Variants in DOK6 observed in about 807,000 individuals in gnomAD.
DOK6 encodes docking protein 6.
A neutral mutation model predicts 44.0 loss-of-function variants in DOK6; 22 were observed. That is an observed-to-expected ratio of 0.50 (90% confidence interval 0.36 to 0.71). The LOEUF is 0.71. Ranked by LOEUF, DOK6 falls within the 30% of genes least tolerant of loss-of-function variation. The pLI, the probability that DOK6 is intolerant of heterozygous loss-of-function variation, is 0.00. For missense variants in DOK6, 340 were observed against 416.4 expected (o/e 0.82, Z 1.60); for synonymous variants, 166 against 145.5 (o/e 1.14, Z -1.01).
At chr18:69,818,898 C>G (rs1981482566) in intron 7 of DOK6, among the ~76,000 whole-genome samples, 1 of 152,216 alleles carries the variant, frequency 6.6e-6, no homozygotes, top group Non-Finnish European at 1.5e-5. Context: ...CTCCCACCAT[C>G]ACCAGCAAAA....
intron 6 of DOK6, among the ~76,000 whole-genome samples, chr18:69,742,557 A>G (rs1264065209): frequency 1.3e-5 from 2 of 152,230 alleles, no homozygotes; most frequent in Non-Finnish European, 2.9e-5. Context: ...TCCTTCACTG[A>G]GAAGAATAAA....
intron 1 of DOK6, among the ~76,000 whole-genome samples, chr18:69,534,130 A>G (rs944094881): frequency 1.3e-5 from 2 of 152,128 alleles, no homozygotes; most frequent in South Asian, 2.1e-4. Context: ...CAATCTGCCA[A>G]ATGGAAGGCT....
In DOK6 at chr18:69,437,944, A is replaced by C. The variant is rs558227046; in HGVS notation, c.66+36634A>C. On this transcript the variant is annotated intron_variant, in intron 1 of 7. Coordinates refer to ENST00000382713, the MANE Select transcript of DOK6 (RefSeq NM_152721.6). ...GTGTCAATATCATTGTGTCTGAAAA[A>C]CAATGTAATTCCTTCATTAAAAAGT... 2.0e-5 allele frequency among the ~76,000 whole-genome samples: 3 copies of C among 152,306 alleles called. No individual in the cohort carries two copies. The East Asian group carries it at 5.8e-4, about 29-fold the overall frequency.
intron 6 of DOK6, among the ~76,000 whole-genome samples, chr18:69,751,607 A>G (rs559083243): frequency 2.8e-4 from 42 of 152,338 alleles, no homozygotes; most frequent in African/African-American, 9.9e-4. Context: ...TACAAGATGT[A>G]CAGAAATTGG....
intron 7 of DOK6, among the ~76,000 whole-genome samples, chr18:69,836,037 C>G (rs1349599976): frequency 6.6e-6 from 1 of 152,174 alleles, no homozygotes; most frequent in Admixed American, 6.5e-5. Flanking sequence ...GTTGGTCATT[C>G]TGTGTCAGCA....
intron 1 of DOK6, among the ~76,000 whole-genome samples, chr18:69,530,426 A>G (rs1257143752): frequency 6.6e-6 from 1 of 152,192 alleles, no homozygotes; most frequent in Non-Finnish European, 1.5e-5. Context: ...TTGACTTTGA[A>G]CAGGTAAAGT....
chr18:69,756,557 G>A (rs1159666317), intron 6 of DOK6, among the ~76,000 whole-genome samples: 1 of 152,172 alleles, frequency 6.6e-6, no homozygotes, highest in Non-Finnish European at 1.5e-5. Context: ...GTAAGTTCAA[G>A]CTCTATAATT....
intron 7 of DOK6, among the ~76,000 whole-genome samples, chr18:69,828,884 G>GTAGATATATATATATATATATATATATA (rs1981819967): frequency 1.1e-5 from 1 of 90,172 alleles, no homozygotes; most frequent in Non-Finnish European, 2.5e-5. Context: ...ACATTTATGT[G>GTAGATATATATATATATATATATATATA]TATATATATA....
At chr18:69,766,069 A>G (rs1979704029) in intron 7 of DOK6, among the ~76,000 whole-genome samples, 1 of 152,186 alleles carries the variant, frequency 6.6e-6, no homozygotes, top group Non-Finnish European at 1.5e-5. Context: ...CATATACACC[A>G]TGGAATACTA....
chr18:69,776,534 C>T (rs770380061), intron 7 of DOK6, among the ~76,000 whole-genome samples: 10 of 151,988 alleles, frequency 6.6e-5, no homozygotes, highest in Admixed American at 4.6e-4. Context: ...CTTACATACA[C>T]GTATTTAGAA....
At chr18:69,746,810 T>A (rs915956433) in intron 6 of DOK6, among the ~76,000 whole-genome samples, 1 of 152,202 alleles carries the variant, frequency 6.6e-6, no homozygotes, top group African/African-American at 2.4e-5. Flanking sequence ...CCAATTGGTG[T>A]TCTTCTTGAA....
chr18:69,500,640 A>G (rs950150563), intron 1 of DOK6, among the ~76,000 whole-genome samples: 1 of 152,180 alleles, frequency 6.6e-6, no homozygotes, highest in Admixed American at 6.5e-5. Flanking sequence ...TGAGAGTTCA[A>G]TCATTTAAGT....
chr18:69,836,496 T>C (rs1380908447), intron 7 of DOK6, among the ~76,000 whole-genome samples: 1 of 152,198 alleles, frequency 6.6e-6, no homozygotes, highest in South Asian at 2.1e-4. Flanking sequence ...ATGTTTTTTT[T>C]TTCCCCAGAT....
At chr18:69,433,707 C>T (rs1001151677) in intron 1 of DOK6, among the ~76,000 whole-genome samples, 6 of 151,890 alleles carry the variant, frequency 4.0e-5, no homozygotes, top group African/African-American at 1.2e-4. Flanking sequence ...AGTTATTCTT[C>T]CCTTCTAAAA....
intron 3 of DOK6, among the ~76,000 whole-genome samples, chr18:69,625,755 A>G (rs931074149): frequency 6.6e-6 from 1 of 152,254 alleles, no homozygotes; most frequent in Non-Finnish European, 1.5e-5. Context: ...CAATATTCAC[A>G]TAAAATATTG....
chr18:69,739,856 CATCTATA>C (rs1294205410), intron 6 of DOK6, among the ~76,000 whole-genome samples: 34 of 152,110 alleles, frequency 2.2e-4, no homozygotes, highest in African/African-American at 8.2e-4. Context: ...GTTTGGGAAG[CATCTATA>C]ATTCTCTTTG....
At chr18:69,611,495 TACACACACACAC>T (rs58620722) in intron 3 of DOK6, among the ~76,000 whole-genome samples, 4 of 150,802 alleles carry the variant, frequency 2.7e-5, no homozygotes, top group African/African-American at 9.8e-5. Context: ...CAAGTACACG[TACACACACACAC>T]ACACACACAC....
chr18:69,762,776 A>AGT (rs1381479953), intron 7 of DOK6, among the ~76,000 whole-genome samples: 1 of 152,198 alleles, frequency 6.6e-6, no homozygotes, highest in East Asian at 1.9e-4. Context: ...TGTCAGCCTC[A>AGT]AAGCTTTGAC....
At chr18:69,668,726 T>G (rs978339642) in intron 3 of DOK6, among the ~76,000 whole-genome samples, 4 of 152,206 alleles carry the variant, frequency 2.6e-5, no homozygotes, top group Non-Finnish European at 4.4e-5. Flanking sequence ...TTGGCTGGAT[T>G]TGATCATTCC....
Sources: allele counts gnomAD v4.1 joint callset (sites outside exome capture counted in the v4.1 genomes callset), GRCh38; gene constraint gnomAD v4.1.1; transcripts MANE v1.5; gene names NCBI Gene and HGNC (gene_info 2026-07-23, HGNC 2026-07-21).